Variants in CASZ1 observed in about 807,000 individuals in gnomAD.
The protein encoded by CASZ1 is castor zinc finger 1.
In CASZ1, 28 loss-of-function variants were observed where a neutral mutation model predicts 135.2. The observed-to-expected ratio is 0.21, with a 90% CI of 0.15 to 0.28. The LOEUF is 0.28. Ranked by LOEUF, CASZ1 falls within the 10% of genes least tolerant of loss-of-function variation. The probability of loss-of-function intolerance (pLI) is 1.00; values close to 1 mark genes in which losing one functional copy is unlikely to be tolerated. For synonymous variants in CASZ1, 1,068 were observed against 1,073.4 expected, an observed-to-expected ratio of 0.99 and a Z score of 0.10; for missense variants, 2,161 against 2,453.3, an observed-to-expected ratio of 0.88 and a Z score of 2.52.
chr1:10,665,451 T>C lies in CASZ1; in HGVS notation c.137A>G (p.Lys46Arg). The change falls in exon 5 of 21, where the codon AAG becomes AGG. Residue 46 changes from lysine (K) to arginine (R), a missense_variant. Transcript: ENST00000377022. The part of the protein sequence containing the change: ...AKLSRQVVVE[K>R]RADAGSHTEG... ...CGTGTGGGAGCCGGCGTCAGCTCGC[T>C]TCTCCACCACCACCTGGCGGCTCAG... 6.2e-7 allele frequency: 1 copy of C among 1,610,682 alleles called. No individual in the cohort carries two copies. Among genetic ancestry groups the C allele is most frequent in the Non-Finnish European group, 8.5e-7 (1 of 1,179,804 alleles).
Position 10,739,297 on chromosome 1 carries a change from G to T in CASZ1, c.-77+21404C>A, listed in dbSNP as rs1265960770. 6.6e-6 allele frequency among the ~76,000 whole-genome samples: 1 copy of T among 152,078 alleles called. No individual in the cohort carries two copies. Among genetic ancestry groups the T allele is most frequent in the African/African-American group, 2.4e-5 (1 of 41,400 alleles). On this transcript the variant is annotated intron_variant, in intron 2 of 20. Transcript: ENST00000377022. This position sits in a 1 kb window ranked among gnomAD's most constrained non-coding sequence, Gnocchi z 4.8. Reference sequence around the variant, plus strand: ...CACCCCTGCTGTCTCTCTGGGTAGGGGTGCAGGTGAAGCTCACATGTGCCA... The same window carrying T: ...CACCCCTGCTGTCTCTCTGGGTAGGTGTGCAGGTGAAGCTCACATGTGCCA...
rs375596358 is a variant in CASZ1 at position 10,733,513 on chromosome 1, G to A, written c.-77+27188C>T. Among the ~76,000 whole-genome samples the A allele has an allele frequency of 5.9e-5, 9 of 152,250 alleles. 1 individual carries two copies. In the East Asian group the frequency reaches 1.7e-3, roughly 29 times the overall value. ...ACATTAAATGCTAGAGGCTCTTCAG[G>A]GACAATGGCAAAAAGGGCTCCACCC... is the stretch of plus-strand genomic sequence containing the variant. On this transcript the variant is annotated intron_variant, in intron 2 of 20. Coordinates refer to ENST00000377022, the MANE Select transcript of CASZ1 (RefSeq NM_001079843.3).
At chr1:10,791,852 A>C (rs1423303043) in intron 1 of CASZ1, among the ~76,000 whole-genome samples, 1 of 152,182 alleles carries the variant, frequency 6.6e-6, no homozygotes, top group African/African-American at 2.4e-5. Flanking sequence ...CTATTGCTTC[A>C]GAAAGACAAT....
chr1:10,732,427 T>A (rs1051309691), intron 2 of CASZ1, among the ~76,000 whole-genome samples: 6 of 151,662 alleles, frequency 4.0e-5, no homozygotes, highest in African/African-American at 1.5e-4. Context: ...GACCAACAGG[T>A]GTGAGAACCA....
At chr1:10,775,007 C>A (rs1260806826) in intron 1 of CASZ1, among the ~76,000 whole-genome samples, 1 of 152,098 alleles carries the variant, frequency 6.6e-6, no homozygotes, top group Non-Finnish European at 1.5e-5. Flanking sequence ...CAGAATACAC[C>A]GAGAAAACCT....
chr1:10,656,843 G>T, intron 7 of CASZ1, 107 bp from the exon 8 acceptor site: 1 of 708,946 alleles, frequency 1.4e-6, no homozygotes, highest in Non-Finnish European at 2.5e-6. Context: ...ATGGGATGCA[G>T]AGGGGAGGTG....
At chr1:10,651,821 AT>A (rs1372722635) in intron 11 of CASZ1, 3 of 151,476 alleles carry the variant, frequency 2.0e-5, no homozygotes, top group African/African-American at 7.3e-5. Flanking sequence ...AGCAAGTGGC[AT>A]TTTATTAAAA....
chr1:10,738,917 GGTTT>G (rs1639856079), intron 2 of CASZ1, among the ~76,000 whole-genome samples: 1 of 121,140 alleles, frequency 8.3e-6, no homozygotes, highest in Non-Finnish European at 1.7e-5. Flanking sequence ...CATGAAGGAA[GGTTT>G]TTTTTTTTTT....
Position 10,739,812 on chromosome 1 carries a change from G to A in CASZ1, c.-77+20889C>T, listed in dbSNP as rs1639878397. Among the ~76,000 whole-genome samples, 1 of 152,152 alleles carries A rather than the reference G, an allele frequency of 6.6e-6. No individual in the cohort carries two copies. The highest frequency in any genetic ancestry group is 1.5e-5 in the Non-Finnish European group (1 of 68,026). ...CATGCCTTTTGCCACCTCCCCCACT[G>A]GTCCTGGCTCTTCCTTCCCCGCTGA... On this transcript the variant is annotated intron_variant, in intron 2 of 20. Transcript: ENST00000377022. The surrounding 1 kb of genome is among the most constrained non-coding windows in gnomAD (Gnocchi z 4.8).
chr1:10,735,866 C>A lies in CASZ1; in HGVS notation c.-77+24835G>T, dbSNP rs1639787876. ...AGAGGCAGTGGCTTAGGATCAGGGG[C>A]AGCCCCAGGCACATCAGGTTGAAAA... On this transcript the variant is annotated intron_variant, in intron 2 of 20. Transcript: ENST00000377022. The surrounding 1 kb of genome is among the most constrained non-coding windows in gnomAD (Gnocchi z 5.1). 6.6e-6 allele frequency among the ~76,000 whole-genome samples: 1 copy of A among 152,172 alleles called. No individual in the cohort carries two copies. Among genetic ancestry groups the A allele is most frequent in the African/African-American group, 2.4e-5 (1 of 41,440 alleles).
chr1:10,659,563 G>A (rs1485239302), intron 6 of CASZ1, 139 bp downstream of exon 6: 3 of 669,530 alleles, frequency 4.5e-6, no homozygotes, highest in Non-Finnish European at 7.9e-6. Flanking sequence ...GAGTGTGCAC[G>A]CGCCTGGATG....
chr1:10,779,054 G>T (rs569242240), intron 1 of CASZ1, among the ~76,000 whole-genome samples: 1 of 152,112 alleles, frequency 6.6e-6, no homozygotes, highest in Non-Finnish European at 1.5e-5. Flanking sequence ...AGTTTGCTTT[G>T]GTTCACATTT....
In CASZ1 at chr1:10,654,085, C is replaced by G; in HGVS notation, c.1972G>C (p.Gly658Arg). Residue 658 changes from glycine to arginine, a missense_variant, in exon 11 of 21, where the codon GGC becomes CGC. By Grantham distance (125) the Gly-to-Arg change is moderately radical. Around this residue, in one of 7 missense-constraint regions of CASZ1, gnomAD observed 248 missense variants for 410.8 expected, o/e 0.60. Coordinates refer to ENST00000377022, the MANE Select transcript of CASZ1 (RefSeq NM_001079843.3). ...TTGGTAGCCTTGCTGTACACGCAGC[C>G]CTCGTACTTGCACTCCTCGTACTTG... ...FYKYEECKYEGCVYSKATNHF... is the reference protein window; with the variant it reads ...FYKYEECKYERCVYSKATNHF... 1 of 1,614,188 alleles carries G rather than the reference C, an allele frequency of 6.2e-7. No individual in the cohort carries two copies. Among genetic ancestry groups the G allele is most frequent in the South Asian group, 1.1e-5 (1 of 91,086 alleles).
intron 5 of CASZ1, among the ~76,000 whole-genome samples, chr1:10,661,852 ATT>A (rs1643040754): frequency 6.6e-6 from 1 of 152,004 alleles, no homozygotes; most frequent in Admixed American, 6.5e-5. Flanking sequence ...ACACACATGC[ATT>A]CTCATACACT....
chr1:10,738,277 G>T (rs568925817), intron 2 of CASZ1, among the ~76,000 whole-genome samples: 73 of 152,284 alleles, frequency 4.8e-4, no homozygotes, highest in African/African-American at 1.7e-3. Flanking sequence ...AGGTGAGGAA[G>T]GCGGGAATGG....
chr1:10,786,842 C>T (rs1259975366), intron 1 of CASZ1, among the ~76,000 whole-genome samples: 1 of 152,120 alleles, frequency 6.6e-6, no homozygotes, highest in Admixed American at 6.5e-5. Context: ...AGGCAGCCCC[C>T]AAATTCACCC....
intron 2 of CASZ1, among the ~76,000 whole-genome samples, chr1:10,744,420 A>ACAGGGGAACACAGTC (rs1170332048): frequency 1.3e-5 from 1 of 78,546 alleles, no homozygotes; most frequent in Non-Finnish European, 2.5e-5. Context: ...TGTCCTGGGC[A>ACAGGGGAACACAGTC]CCACGAGCAG....
At chr1:10,786,497 T>A (rs961720177) in intron 1 of CASZ1, among the ~76,000 whole-genome samples, 10 of 152,208 alleles carry the variant, frequency 6.6e-5, no homozygotes, top group African/African-American at 2.4e-4. Flanking sequence ...CCCCTCTCCA[T>A]GGCAATCCCT....
intron 2 of CASZ1, among the ~76,000 whole-genome samples, chr1:10,732,805 GC>G (rs1330668049): frequency 6.6e-6 from 1 of 152,200 alleles, no homozygotes. Context: ...GGCCACACTT[GC>G]CCCATCAGGG....
Sources: gnomAD v4.1 joint callset for allele counts (sites outside exome capture counted in the v4.1 genomes callset) on GRCh38, gnomAD v4.1.1 for gene constraint, gnomAD v4.1.1 regional missense constraint, Gnocchi (gnomAD v3.1) non-coding constraint, MANE v1.5 for transcripts, NCBI Gene and HGNC (gene_info 2026-07-23, HGNC 2026-07-21) for gene names.